The following ACVR2B variants were observed in gnomAD, a reference collection of about 807,000 sequenced individuals.
ACVR2B encodes activin receptor type-2B.
ACVR2B carries 18 observed loss-of-function variants against 65.1 expected under a neutral mutation model. The observed-to-expected ratio is 0.28, with a 90% confidence interval of 0.19 to 0.41. The LOEUF (loss-of-function observed/expected upper bound fraction) is 0.41. Among genes scored for constraint, ACVR2B ranks in the 10% least tolerant of loss-of-function variants. ACVR2B has a pLI of 1.00. For missense variants in ACVR2B, 482 were observed against 682.7 expected (o/e 0.71, Z 3.28); for synonymous variants, 298 against 277.7 (o/e 1.07, Z -0.73).
Position 38,482,444 on chromosome 3 carries a change from T to C in ACVR2B, c.1228T>C (p.Tyr410His), listed in dbSNP as rs755527007. The C allele has an allele frequency of 1.9e-6, 3 of 1,611,972 alleles. No individual in the cohort carries two copies. Among genetic ancestry groups the C allele is most frequent in the Non-Finnish European group, 2.5e-6 (3 of 1,179,696 alleles). The part of the protein sequence containing the change: ...CKAADGPVDE[Y>H]MLPFEEEIGQ... ...CTTTCTCCTAGGACCCGTGGATGAG[T>C]ACATGCTGCCCTTTGAGGAAGAGAT... The change falls in exon 10 of 11, where the codon TAC becomes CAC. Residue 410 changes from tyrosine (Y) to histidine (H), a missense_variant. Tyr to His is a moderately conservative substitution (Grantham distance 83, BLOSUM62 2). Around this residue, in one of 5 missense-constraint regions of ACVR2B, gnomAD observed 223 missense variants for 386.3 expected, o/e 0.58. Transcript: ENST00000352511.
At position 38,454,463 on chromosome 3, in the gene ACVR2B, C is replaced by G. The variant is rs1025265579; in HGVS notation, c.52+89C>G. On this transcript the variant is annotated intron_variant, in intron 1 of 10. Transcript: ENST00000352511. ...CGGTGTTTACCAACAAAGGGCGGGC[C>G]CGGGGCCTCGTCGCCGCACCACCTG... 5.3e-6 allele frequency: 6 copies of G among 1,132,064 alleles called. No homozygotes were observed. The African/African-American group carries it at 9.7e-5, about 18-fold the overall frequency. The allele number at this position is 1,132,064 out of a possible 1,614,324, so 70.1% of individuals were successfully genotyped here.
chr3:38,489,250 C>A lies in ACVR2B; in HGVS notation c.*5918C>A, dbSNP rs1368398421. On this transcript the variant is annotated 3_prime_UTR_variant, in exon 11 of 11. Transcript: ENST00000352511. ...ACTTGAAACTTTACTTTAAAAAAAT[C>A]GATAGTTCTACATATATATTTAGTT... 1 of 152,530 alleles carries A rather than the reference C, an allele frequency of 6.6e-6. No individual in the cohort carries two copies. Among genetic ancestry groups the A allele is most frequent in the Non-Finnish European group, 1.5e-5 (1 of 68,024 alleles). The allele number at this position is 152,530 out of a possible 1,614,324, so 9.4% of individuals were successfully genotyped here.
At chr3:38,469,191 A>G (rs76058602) in intron 1 of ACVR2B, among the ~76,000 whole-genome samples, 5,460 of 152,314 alleles carry the variant, frequency 0.036, 349 homozygotes, top group African/African-American at 0.12. Context: ...TGGAAAAAGT[A>G]TAATAAACAC....
Position 38,485,772 on chromosome 3 carries a change from C to T in ACVR2B, c.*2440C>T, listed in dbSNP as rs1710110140. 7.3e-6 allele frequency: 1 copy of T among 137,676 alleles called. No homozygotes were observed. Among genetic ancestry groups the T allele is most frequent in the Non-Finnish European group, 1.5e-5 (1 of 64,972 alleles). The allele number at this position is 137,676 out of a possible 1,614,324, so 8.5% of individuals were successfully genotyped here. On this transcript the variant is annotated 3_prime_UTR_variant, in exon 11 of 11. Coordinates refer to ENST00000352511, the MANE Select transcript of ACVR2B (RefSeq NM_001106.4). ...GGCAAAACAGGCCTTACAGCAGTTG[C>T]TTTTCTTTACCATTTATTTCTTTAA...
At chr3:38,463,655 A>G (rs1344443030) in intron 1 of ACVR2B, among the ~76,000 whole-genome samples, 1 of 152,164 alleles carries the variant, frequency 6.6e-6, no homozygotes, top group Non-Finnish European at 1.5e-5. Flanking sequence ...GGCCCTGCTA[A>G]TGGATTTAGA....
At chr3:38,479,555 T>C in intron 6 of ACVR2B, 123 bp from the exon 7 acceptor site, 1 of 1,239,408 alleles carries the variant, frequency 8.1e-7, no homozygotes, top group Non-Finnish European at 1.2e-6. Flanking sequence ...TCCATATCGA[T>C]TGTAGTAGCC....
At chr3:38,472,824 G>C (rs1709841304) in intron 1 of ACVR2B, among the ~76,000 whole-genome samples, 1 of 152,148 alleles carries the variant, frequency 6.6e-6, no homozygotes, top group African/African-American at 2.4e-5. Flanking sequence ...TCACAGATGG[G>C]ACCTTGGTGA....
At chr3:38,473,291 A>G (rs1046187748) in intron 1 of ACVR2B, among the ~76,000 whole-genome samples, 2 of 152,194 alleles carry the variant, frequency 1.3e-5, no homozygotes, top group African/African-American at 4.8e-5. Flanking sequence ...CCTCAGGGCT[A>G]TGAAGCAGCA....
chr3:38,467,912 C>G (rs1295501228), intron 1 of ACVR2B, among the ~76,000 whole-genome samples: 1 of 152,130 alleles, frequency 6.6e-6, no homozygotes, highest in Non-Finnish European at 1.5e-5. Context: ...GGGTCTTGCT[C>G]TGTCACCCAG....
In ACVR2B at chr3:38,477,399, G is replaced by T; in HGVS notation, c.165G>T (p.Lys55Asn). 4 of 1,614,172 alleles carry T rather than the reference G, an allele frequency of 2.5e-6. No individual in the cohort carries two copies. The highest frequency in any genetic ancestry group is 1.1e-5 in the South Asian group (1 of 91,088). Residue 55 changes from lysine to asparagine, a missense_variant, in exon 2 of 11, where the codon AAG becomes AAT. By Grantham distance (94) the Lys-to-Asn change is moderately conservative. Transcript: ENST00000352511. The surrounding 1 kb of genome is among the most constrained non-coding windows in gnomAD (Gnocchi z 6.7). Reference protein sequence around the residue: ...GLERCEGEQDKRLHCYASWRN... With the variant: ...GLERCEGEQDNRLHCYASWRN... The stretch of plus-strand genomic sequence containing the variant: ...AGCGCTGCGAAGGCGAGCAGGACAA[G>T]CGGCTGCACTGCTACGCCTCCTGGC...
At chr3:38,478,992 G>A (rs543751289) in intron 5 of ACVR2B, 136 bp from the exon 6 acceptor site, 1 of 1,173,034 alleles carries the variant, frequency 8.5e-7, no homozygotes, top group South Asian at 1.2e-5. Flanking sequence ...CTGAAGCTGG[G>A]AGGCTGGGGG....
At chr3:38,465,788 C>T (rs570243697) in intron 1 of ACVR2B, among the ~76,000 whole-genome samples, 4 of 152,300 alleles carry the variant, frequency 2.6e-5, no homozygotes, top group East Asian at 1.9e-4. Flanking sequence ...TAATTAAAGA[C>T]ATCAAGCCAC....
At chr3:38,460,114 CT>C (rs1249212301) in intron 1 of ACVR2B, among the ~76,000 whole-genome samples, 1 of 152,210 alleles carries the variant, frequency 6.6e-6, no homozygotes, top group East Asian at 1.9e-4. Flanking sequence ...GAGGTTCAGA[CT>C]TCCTAGTTCC....
At chr3:38,464,591 A>G (rs1007339936) in intron 1 of ACVR2B, among the ~76,000 whole-genome samples, 4 of 152,146 alleles carry the variant, frequency 2.6e-5, no homozygotes, top group Admixed American at 2.6e-4. Context: ...GTCTGTTTTT[A>G]GTCATAGGGG....
chr3:38,454,503 C>T (rs1226873254), intron 1 of ACVR2B, 129 bp downstream of exon 1: 3 of 856,520 alleles, frequency 3.5e-6, no homozygotes, highest in Non-Finnish European at 4.6e-6. Flanking sequence ...CAGCCCTCAC[C>T]TCCGGGGGCG....
rs1186580074 is a variant in ACVR2B at position 38,453,957 on chromosome 3, C to G, written c.-366C>G. 6.7e-6 allele frequency: 1 copy of G among 148,326 alleles called. No individual in the cohort carries two copies. Among genetic ancestry groups the G allele is most frequent in the South Asian group, 2.1e-4 (1 of 4,776 alleles). The allele number at this position is 148,326 out of a possible 1,614,324, so 9.2% of individuals were successfully genotyped here. On this transcript the variant is annotated 5_prime_UTR_variant, in exon 1 of 11. Coordinates refer to ENST00000352511, the MANE Select transcript of ACVR2B (RefSeq NM_001106.4). ...GGTTCAGCTCCCCTCCCCCCCACCC[C>G]TCCCCCCGTTCATGGCCCCTCCGGA...
At chr3:38,456,636 G>A (rs1709554979) in intron 1 of ACVR2B, among the ~76,000 whole-genome samples, 1 of 152,088 alleles carries the variant, frequency 6.6e-6, no homozygotes. Flanking sequence ...GCATGGTTGG[G>A]TTCTGGTGAG....
In ACVR2B at chr3:38,477,536, C is replaced by G. The variant is rs751939808; in HGVS notation, c.260+42C>G. The G allele has an allele frequency of 6.3e-7, 1 of 1,595,362 alleles. No individual in the cohort carries two copies. Among genetic ancestry groups the G allele is most frequent in the Non-Finnish European group, 8.5e-7 (1 of 1,169,748 alleles). On this transcript the variant is annotated intron_variant, in intron 2 of 10. Coordinates refer to ENST00000352511, the MANE Select transcript of ACVR2B (RefSeq NM_001106.4). This position sits in a 1 kb window ranked among gnomAD's most constrained non-coding sequence, Gnocchi z 6.7. ...CCTCCTTTCCTCTTGGACCCACCTG[C>G]GCTTATACTGCCCACTGGGCCATTT...
At chr3:38,479,860 G>GACCTGGA (rs1192420047) in intron 7 of ACVR2B, 34 bp downstream of exon 7, 4 of 1,610,650 alleles carry the variant, frequency 2.5e-6, no homozygotes, top group Middle Eastern at 1.7e-4. Context: ...TCCTGCACTT[G>GACCTGGA]ACCTGGAGCT....
Sources: allele counts gnomAD v4.1 joint callset (sites outside exome capture counted in the v4.1 genomes callset), GRCh38; gene constraint gnomAD v4.1.1; regional missense constraint gnomAD v4.1.1; non-coding constraint Gnocchi (gnomAD v3.1); transcripts MANE v1.5; gene names NCBI Gene and HGNC (gene_info 2026-07-23, HGNC 2026-07-21).